The following CDH4 variants were observed in gnomAD, a reference collection of about 807,000 sequenced individuals.
The protein encoded by CDH4 is cadherin 4.
CDH4 carries 33 observed loss-of-function variants against 86.0 expected under a neutral mutation model. The observed-to-expected ratio is 0.38, with a 90% CI of 0.29 to 0.51. The LOEUF (loss-of-function observed/expected upper bound fraction) is 0.51, where lower values mean the gene tolerates loss of function less well. Among genes scored for constraint, CDH4 ranks in the 20% least tolerant of loss-of-function variants. The pLI is 0.86. For missense variants in CDH4, 1,114 were observed against 1,307.4 expected (o/e 0.85, Z 2.28); for synonymous variants, 555 against 549.4 (o/e 1.01, Z -0.14).
intron 2 of CDH4, among the ~76,000 whole-genome samples, chr20:61,259,332 G>T (rs532481844): frequency 1.3e-5 from 2 of 152,266 alleles, no homozygotes; most frequent in South Asian, 4.1e-4. Context: ...TAGGCTCTTT[G>T]CCCATGCAGT....
Position 61,297,607 on chromosome 20 carries a change from G to A in CDH4, c.169+42670G>A, listed in dbSNP as rs114176448. Reference sequence around the variant, plus strand: ...GGGCAGCAGCTGTTTTTCCAAAGCCGGGGCGGTGCCTGGCACACAGTGGGC... The same window carrying A: ...GGGCAGCAGCTGTTTTTCCAAAGCCAGGGCGGTGCCTGGCACACAGTGGGC... On this transcript the variant is annotated intron_variant, in intron 2 of 15. Transcript: ENST00000614565. Among the ~76,000 whole-genome samples, 759 of 152,360 alleles carry A rather than the reference G, an allele frequency of 5.0e-3. 6 individuals are homozygous for A. Among genetic ancestry groups the A allele is most frequent in the African/African-American group, 0.017 (696 of 41,582 alleles).
intron 2 of CDH4, among the ~76,000 whole-genome samples, chr20:61,359,262 G>A (rs1444596461): frequency 6.6e-6 from 1 of 152,180 alleles, no homozygotes; most frequent in Admixed American, 6.5e-5. Flanking sequence ...CACTTCCCTA[G>A]GAGTTTGGGG....
At chr20:61,369,113 G>T (rs1000771843) in intron 2 of CDH4, among the ~76,000 whole-genome samples, 47 of 152,198 alleles carry the variant, frequency 3.1e-4, no homozygotes, top group African/African-American at 1.0e-3. Context: ...GAAAACTCCT[G>T]TCAAAACAGC....
intron 2 of CDH4, among the ~76,000 whole-genome samples, chr20:61,559,766 A>G (rs1600758395): frequency 6.6e-6 from 1 of 151,058 alleles, no homozygotes. Flanking sequence ...TGACCCACCC[A>G]CCTCCGCCTC....
intron 2 of CDH4, among the ~76,000 whole-genome samples, chr20:61,258,345 AGAAAAAAAAAAAAG>A (rs1269332286): frequency 8.5e-6 from 1 of 116,968 alleles, no homozygotes; most frequent in African/African-American, 3.5e-5. Context: ...AAAAAAAAAA[AGAAAAAAAAAAAAG>A]AAAGAGGAGC....
Position 61,518,169 on chromosome 20 carries a change from G to C in CDH4, c.170-225394G>C, listed in dbSNP as rs2085837902. ...ACTCACTGTGTCTGGGACACTAGGT[G>C]GGTGTTTATTCTGCCATCATCCCTT... On this transcript the variant is annotated intron_variant, in intron 2 of 15. Coordinates refer to ENST00000614565, the MANE Select transcript of CDH4 (RefSeq NM_001794.5). This position sits in a 1 kb window ranked among gnomAD's most constrained non-coding sequence, Gnocchi z 6.3. Among the ~76,000 whole-genome samples, 2 of 152,178 alleles carry C rather than the reference G, an allele frequency of 1.3e-5. No homozygotes were observed.
At chr20:61,348,251 T>C (rs1284701977) in intron 2 of CDH4, among the ~76,000 whole-genome samples, 13 of 97,734 alleles carry the variant, frequency 1.3e-4, no homozygotes, top group Admixed American at 7.4e-4. Context: ...ACATCTTACA[T>C]GGTGGCAGGC....
intron 2 of CDH4, among the ~76,000 whole-genome samples, chr20:61,537,363 T>C (rs1238333305): frequency 1.3e-5 from 2 of 152,132 alleles, no homozygotes; most frequent in Non-Finnish European, 2.9e-5. Flanking sequence ...ACTAACCAGG[T>C]ATCCCTGCCC....
chr20:61,476,375 CCGTGTGTGTGCA>C (rs1428729311), intron 2 of CDH4, among the ~76,000 whole-genome samples: 1 of 151,954 alleles, frequency 6.6e-6, no homozygotes, highest in African/African-American at 2.4e-5. Context: ...GTGTGTGTGC[CCGTGTGTGTGCA>C]CGTGTGTGTG....
chr20:61,435,005 T>C (rs2085272729), intron 2 of CDH4: 1 of 152,224 alleles, frequency 6.6e-6, no homozygotes, highest in African/African-American at 2.4e-5. Context: ...CCAATTTGTC[T>C]TTCTTTTTCT....
chr20:61,705,032 G>A (rs1319479969), intron 2 of CDH4, among the ~76,000 whole-genome samples: 1 of 152,166 alleles, frequency 6.6e-6, no homozygotes, highest in Non-Finnish European at 1.5e-5. Context: ...GGGCTCAAAG[G>A]TCCCCTGAGC....
chr20:61,562,098 C>G (rs1226494950), intron 2 of CDH4, among the ~76,000 whole-genome samples: 1 of 98,042 alleles, frequency 1.0e-5, no homozygotes, highest in African/African-American at 4.5e-5. Flanking sequence ...AGAGGTGGAC[C>G]CCAGGGCTCC....
chr20:61,345,621 A>T (rs535690310), intron 2 of CDH4, among the ~76,000 whole-genome samples: 35 of 152,332 alleles, frequency 2.3e-4, no homozygotes, highest in Admixed American at 8.5e-4. Context: ...GGAAATGTTG[A>T]TTCACTGCCT....
intron 2 of CDH4, among the ~76,000 whole-genome samples, chr20:61,343,166 G>C (rs901389805): frequency 6.6e-6 from 1 of 152,188 alleles, no homozygotes; most frequent in Non-Finnish European, 1.5e-5. Flanking sequence ...CTGGTGACAC[G>C]CACATTTGCT....
chr20:61,576,332 C>T (rs1239255008), intron 2 of CDH4, among the ~76,000 whole-genome samples: 1 of 152,148 alleles, frequency 6.6e-6, no homozygotes, highest in Non-Finnish European at 1.5e-5. Flanking sequence ...ATCGTGTTTG[C>T]AGCTGGCAGG....
At chr20:61,352,506 G>T (rs1350438569) in intron 2 of CDH4, among the ~76,000 whole-genome samples, 1 of 152,228 alleles carries the variant, frequency 6.6e-6, no homozygotes, top group Non-Finnish European at 1.5e-5. Flanking sequence ...CCTGCCAGCG[G>T]GGTGTGAGCC....
intron 3 of CDH4, among the ~76,000 whole-genome samples, chr20:61,746,668 GT>G (rs2088418558): frequency 6.6e-6 from 1 of 152,262 alleles, no homozygotes; most frequent in Non-Finnish European, 1.5e-5. Context: ...CAACTTTGAG[GT>G]GAACTGCTCT....
rs1313765819 is a variant in CDH4, at chr20:61,681,814, G to A, written c.170-61749G>A. Among the ~76,000 whole-genome samples the A allele has an allele frequency of 2.0e-5, 3 of 152,202 alleles. No homozygotes were observed. The highest frequency in any genetic ancestry group is 2.9e-5 in the Non-Finnish European group (2 of 68,034). ...TTCCTTTGGCTTCCTGGTGATGGAG[G>A]GACAGACAGAGCATCCCCACATTTG... On this transcript the variant is annotated intron_variant, in intron 2 of 15. Coordinates refer to ENST00000614565, the MANE Select transcript of CDH4 (RefSeq NM_001794.5). The surrounding 1 kb of genome is among the most constrained non-coding windows in gnomAD (Gnocchi z 4.5).
In CDH4 at chr20:61,869,010, C is replaced by T. The variant is rs141865234; in HGVS notation, c.878-4718C>T. ...GGTGGACACACACAAAGCCTCTAGA[C>T]GTGGCAAACGTGGCAAGTGCCTTCA... On this transcript the variant is annotated intron_variant, in intron 6 of 15. Coordinates refer to ENST00000614565, the MANE Select transcript of CDH4 (RefSeq NM_001794.5). Among the ~76,000 whole-genome samples the T allele has an allele frequency of 1.8e-3, 276 of 152,278 alleles. 3 individuals are homozygous for T. The highest frequency in any genetic ancestry group is 6.0e-3 in the African/African-American group (250 of 41,558).
Sources: allele counts gnomAD v4.1 joint callset (sites outside exome capture counted in the v4.1 genomes callset), GRCh38; gene constraint gnomAD v4.1.1; non-coding constraint Gnocchi (gnomAD v3.1); transcripts MANE v1.5; gene names NCBI Gene and HGNC (gene_info 2026-07-23, HGNC 2026-07-21).